Variants in CNTNAP3B observed in about 807,000 individuals in gnomAD.
CNTNAP3B encodes the protein contactin associated protein family member 3B.
Under a neutral mutation model 108.9 loss-of-function variants are expected in CNTNAP3B, and 25 were observed. The ratio of observed to expected loss-of-function variants is 0.23; its 90% confidence interval spans 0.17 to 0.32. CNTNAP3B has a LOEUF of 0.32. Ranked by LOEUF, CNTNAP3B falls within the 10% of genes least tolerant of loss-of-function variation. The pLI is 1.00. For missense variants in CNTNAP3B, 252 were observed against 1,210.4 expected, an observed-to-expected ratio of 0.21 and a Z score of 11.75; for synonymous variants, 103 against 473.4, an observed-to-expected ratio of 0.22 and a Z score of 10.16.
At chr9:42,125,373 T>C (rs1293383117) in intron 1 of CNTNAP3B, among the ~76,000 whole-genome samples, 3 of 141,392 alleles carry the variant, frequency 2.1e-5, no homozygotes, top group East Asian at 2.1e-4. Flanking sequence ...ACCCTTGCTA[T>C]ACTGTGGATG....
intron 16 of CNTNAP3B, among the ~76,000 whole-genome samples, chr9:41,923,189 T>C: frequency 7.0e-6 from 1 of 142,764 alleles, no homozygotes; most frequent in Non-Finnish European, 1.5e-5. Context: ...ATAGCTAGAA[T>C]ACCAAATAGT....
chr9:41,966,989 C>G (rs1314629420), intron 10 of CNTNAP3B, among the ~76,000 whole-genome samples: 1 of 150,194 alleles, frequency 6.7e-6, no homozygotes, highest in Non-Finnish European at 1.5e-5. Flanking sequence ...AAACAAACAC[C>G]TATCCAAACA....
chr9:41,894,350 A>G (rs1189166424), intron 23 of CNTNAP3B, among the ~76,000 whole-genome samples: 2 of 99,850 alleles, frequency 2.0e-5, no homozygotes, highest in Non-Finnish European at 3.8e-5. Context: ...CTGGTCTCGA[A>G]CTCCTGGGCT....
intron 10 of CNTNAP3B, among the ~76,000 whole-genome samples, chr9:41,966,269 C>T (rs1232757963): frequency 6.6e-6 from 1 of 152,290 alleles, no homozygotes; most frequent in Non-Finnish European, 1.5e-5. Context: ...TTTTAAAAAA[C>T]ATTAAAAACC....
intron 3 of CNTNAP3B, among the ~76,000 whole-genome samples, chr9:42,054,479 T>C (rs1311605188): frequency 4.0e-5 from 6 of 151,722 alleles, no homozygotes; most frequent in Non-Finnish European, 7.4e-5. Context: ...CACCCTGCAT[T>C]TTGTAATCGA....
chr9:41,940,242 T>C (rs1230195616), intron 13 of CNTNAP3B, among the ~76,000 whole-genome samples: 3 of 152,302 alleles, frequency 2.0e-5, no homozygotes, highest in African/African-American at 7.2e-5. Flanking sequence ...CCCACAGATT[T>C]AGGAAGTTAA....
intron 18 of CNTNAP3B, among the ~76,000 whole-genome samples, chr9:41,917,414 A>G (rs1823543838): frequency 7.1e-6 from 1 of 141,120 alleles, no homozygotes; most frequent in South Asian, 2.3e-4. Flanking sequence ...CTCTGTTCCA[A>G]ATAGAAATCA....
chr9:42,066,423 CTTTTT>C (rs1158361481), intron 3 of CNTNAP3B, among the ~76,000 whole-genome samples: 1 of 53,140 alleles, frequency 1.9e-5, no homozygotes, highest in Non-Finnish European at 3.5e-5. Flanking sequence ...GCTGTTGAAT[CTTTTT>C]TTTTTTTTTT....
At chr9:42,117,458 A>C (rs1179428573) in intron 1 of CNTNAP3B, among the ~76,000 whole-genome samples, 2 of 140,652 alleles carry the variant, frequency 1.4e-5, no homozygotes, top group African/African-American at 5.6e-5. Flanking sequence ...GCAGAAATAA[A>C]GATGTTCTTT....
chr9:42,045,776 G>C (rs1369091642), intron 3 of CNTNAP3B, among the ~76,000 whole-genome samples: 1 of 141,388 alleles, frequency 7.1e-6, no homozygotes, highest in Non-Finnish European at 1.5e-5. Flanking sequence ...TTCACACCTT[G>C]AAGATTCAGT....
chr9:42,039,251 GGA>G (rs1826701826), intron 3 of CNTNAP3B, among the ~76,000 whole-genome samples: 1 of 119,786 alleles, frequency 8.3e-6, no homozygotes, highest in Non-Finnish European at 1.7e-5. Flanking sequence ...CAGAACTGAA[GGA>G]GATGGAGACA....
rs1316301981 is a variant in CNTNAP3B at position 42,043,255 on chromosome 9, C to T, written c.391-29730G>A. 1.0e-4 allele frequency among the ~76,000 whole-genome samples: 11 copies of T among 108,614 alleles called. No individual in the cohort carries two copies. In the South Asian group the frequency reaches 2.3e-3, roughly 23 times the overall value. The allele number at this position is 108,614 out of a possible 152,430, so 71.3% of individuals were successfully genotyped here. A position where few individuals can be genotyped will look rare whatever the true frequency, so the allele number is the denominator to read the frequency against. ...GGATCTCAGCTCACTGCAACCTCCG[C>T]CTCCTGGGTTCAAGAGATTCTCCTG... is the stretch of plus-strand genomic sequence containing the variant. On this transcript the variant is annotated intron_variant, in intron 3 of 23. Coordinates refer to ENST00000377561, the MANE Select transcript of CNTNAP3B (RefSeq NM_001201380.3).
At chr9:42,116,903 C>A (rs1440254697) in intron 1 of CNTNAP3B, among the ~76,000 whole-genome samples, 1 of 137,652 alleles carries the variant, frequency 7.3e-6, no homozygotes, top group South Asian at 2.3e-4. Context: ...GACTTTAAAC[C>A]AACAAAGATC....
At chr9:41,944,854 T>G (rs1365473460) in intron 13 of CNTNAP3B, among the ~76,000 whole-genome samples, 25 of 152,388 alleles carry the variant, frequency 1.6e-4, no homozygotes, top group Admixed American at 1.6e-3. Flanking sequence ...GGGAGAAAAT[T>G]TTTGCAATCT....
chr9:42,037,314 G>A (rs1481664385), intron 3 of CNTNAP3B, among the ~76,000 whole-genome samples: 4 of 105,920 alleles, frequency 3.8e-5, no homozygotes, highest in Non-Finnish European at 7.8e-5. Context: ...TCAGATGATC[G>A]ATAATAACAA....
At chr9:41,935,907 C>T (rs1399095159) in intron 14 of CNTNAP3B, among the ~76,000 whole-genome samples, 1 of 152,288 alleles carries the variant, frequency 6.6e-6, no homozygotes, top group African/African-American at 2.4e-5. Context: ...ATCAGAGGAC[C>T]TGCACCCACC....
At position 41,930,368 on chromosome 9, in the gene CNTNAP3B, C is replaced by T. The variant is rs1451807132; in HGVS notation, c.2238-924G>A. Reference sequence around the variant, plus strand: ...AACCAGCCTGGGCAACATAGTGAGGCCCCGTCTCTACAAAAAATACAAAAA... The same window carrying T: ...AACCAGCCTGGGCAACATAGTGAGGTCCCGTCTCTACAAAAAATACAAAAA... On this transcript the variant is annotated intron_variant, in intron 14 of 23. Coordinates refer to ENST00000377561, the MANE Select transcript of CNTNAP3B (RefSeq NM_001201380.3). Among the ~76,000 whole-genome samples, 8 of 152,400 alleles carry T rather than the reference C, an allele frequency of 5.2e-5. No individual in the cohort carries two copies. In the South Asian group the frequency reaches 6.2e-4, roughly 12 times the overall value.
chr9:42,127,220 G>A (rs1254340116), intron 1 of CNTNAP3B, among the ~76,000 whole-genome samples: 2 of 138,734 alleles, frequency 1.4e-5, no homozygotes, highest in South Asian at 2.3e-4. Context: ...ACTCGCGAGA[G>A]TCCCGTCTGG....
chr9:42,070,924 T>A (rs1827363506), intron 3 of CNTNAP3B, among the ~76,000 whole-genome samples: 1 of 151,320 alleles, frequency 6.6e-6, no homozygotes, highest in Non-Finnish European at 1.5e-5. Context: ...GATTTCCCAG[T>A]TAGAACGGTT....
Sources: allele counts gnomAD v4.1 joint callset (sites outside exome capture counted in the v4.1 genomes callset), GRCh38; gene constraint gnomAD v4.1.1; transcripts MANE v1.5; gene names NCBI Gene and HGNC (gene_info 2026-07-23, HGNC 2026-07-21).